Variants in RNPEP observed in about 807,000 individuals in gnomAD.
RNPEP encodes the protein arginyl aminopeptidase.
Under a neutral mutation model 70.1 loss-of-function variants are expected in RNPEP, and 57 were observed. The observed-to-expected ratio is 0.81, with a 90% CI of 0.66 to 1.01. The LOEUF (loss-of-function observed/expected upper bound fraction) is 1.01. Ranked by LOEUF, RNPEP falls within the 50% of genes least tolerant of loss-of-function variation. The pLI is 0.00. For synonymous variants in RNPEP, 335 were observed against 357.4 expected, an observed-to-expected ratio of 0.94 and a Z score of 0.71; for missense variants, 787 against 852.4, an observed-to-expected ratio of 0.92 and a Z score of 0.96.
At chr1:201,994,442 T>C (rs7521162) in intron 3 of RNPEP, among the ~76,000 whole-genome samples, 144,212 of 152,038 alleles carry the variant, frequency 0.95, 68,867 homozygotes, top group East Asian at 1. Flanking sequence ...ACTGCCTCCC[T>C]CATTGCAATC....
chr1:201,997,500 C>T lies in RNPEP; in HGVS notation c.1036C>T (p.Leu346Phe), dbSNP rs933087058. ...VTNANWGEFW[L>F]NEGFTMYAQR... is the part of the protein sequence containing the mutation. Reference sequence around the variant, plus strand: ...CAACGCCAACTGGGGTGAATTCTGGCTCAATGAAGGTTTCACCATGTACGC... The same window carrying T: ...CAACGCCAACTGGGGTGAATTCTGGTTCAATGAAGGTTTCACCATGTACGC... Residue 346 changes from leucine to phenylalanine, a missense_variant, in exon 5 of 11, where the codon CTC becomes TTC. Leu to Phe is a conservative substitution (Grantham distance 22, BLOSUM62 0). Coordinates refer to ENST00000295640, the MANE Select transcript of RNPEP (RefSeq NM_020216.4). The T allele has an allele frequency of 6.2e-7, 1 of 1,613,970 alleles. No individual in the cohort carries two copies. The highest frequency in any genetic ancestry group is 8.5e-7 in the Non-Finnish European group (1 of 1,180,030).
At chr1:201,992,529 C>A (rs1188492663) in intron 3 of RNPEP, among the ~76,000 whole-genome samples, 1 of 152,090 alleles carries the variant, frequency 6.6e-6, no homozygotes, top group African/African-American at 2.4e-5. Flanking sequence ...GACGGCCTCT[C>A]TCCCACTATA....
At chr1:201,997,667 G>A in intron 5 of RNPEP, 113 bp downstream of exon 5, 1 of 716,530 alleles carries the variant, frequency 1.4e-6, no homozygotes, top group Non-Finnish European at 2.3e-6. Flanking sequence ...AGACGAGGCA[G>A]TAGTGTGTAT....
chr1:202,001,587 G>T, intron 7 of RNPEP, 72 bp from the exon 8 acceptor site: 1 of 1,437,294 alleles, frequency 7.0e-7, no homozygotes, highest in East Asian at 2.3e-5. Flanking sequence ...GGTTGGAGGA[G>T]GACCCAGGAC....
At chr1:201,983,613 C>T (rs1309440450) in intron 1 of RNPEP, 2 of 1,266,586 alleles carry the variant, frequency 1.6e-6, no homozygotes, top group South Asian at 1.4e-5. Flanking sequence ...CTTCTAGTTC[C>T]ACGGTTAAAG....
intron 7 of RNPEP, 70 bp downstream of exon 7, chr1:202,001,558 G>A: frequency 6.9e-7 from 1 of 1,445,322 alleles, no homozygotes; most frequent in East Asian, 2.3e-5. Flanking sequence ...GGTAGAGGCA[G>A]GGGGCGAAAG....
chr1:201,992,266 CAA>C (rs1218630007), intron 3 of RNPEP, among the ~76,000 whole-genome samples: 2 of 152,172 alleles, frequency 1.3e-5, no homozygotes, highest in Non-Finnish European at 1.5e-5. Context: ...CTCCTGGGCT[CAA>C]GAGATCCTCC....
chr1:202,002,155 C>T (rs1033020043), intron 8 of RNPEP, among the ~76,000 whole-genome samples: 1 of 140,956 alleles, frequency 7.1e-6, no homozygotes, highest in Non-Finnish European at 1.6e-5. Context: ...TTCTTTCTTT[C>T]TTTTCTTTTC....
chr1:201,987,261 A>G (rs1683163193), intron 1 of RNPEP, among the ~76,000 whole-genome samples: 1 of 152,014 alleles, frequency 6.6e-6, no homozygotes, highest in Non-Finnish European at 1.5e-5. Flanking sequence ...GTCCAGCCAG[A>G]AAGTTTTCTT....
intron 5 of RNPEP, among the ~76,000 whole-genome samples, chr1:201,999,181 C>T (rs1683688862): frequency 6.6e-6 from 1 of 151,106 alleles, no homozygotes; most frequent in Admixed American, 6.6e-5. Flanking sequence ...CGTGCCACTG[C>T]ACTCCAGCCT....
chr1:201,983,855 C>G (rs1035168624), intron 1 of RNPEP: 4 of 1,005,594 alleles, frequency 4.0e-6, no homozygotes, highest in Non-Finnish European at 4.7e-6. Context: ...CTGGAGAGTC[C>G]TTAGGCTGTG....
intron 6 of RNPEP, among the ~76,000 whole-genome samples, chr1:202,000,525 C>T (rs760842103): frequency 7.2e-5 from 11 of 152,158 alleles, no homozygotes; most frequent in Non-Finnish European, 1.3e-4. Context: ...CCTTTTTATG[C>T]AATTGAAGCT....
chr1:202,004,147 C>T (rs1433537611), intron 9 of RNPEP, among the ~76,000 whole-genome samples: 1 of 152,160 alleles, frequency 6.6e-6, no homozygotes, highest in Non-Finnish European at 1.5e-5. Context: ...ACCTCAGCCT[C>T]CAAGTAGCTG....
At position 202,005,612 on chromosome 1, in the gene RNPEP, G is replaced by A. The variant is rs1225145181; in HGVS notation, c.1849G>A (p.Val617Met). ...LYHAMMGGSE[V>M]AQTLAKETFA... ...CCACGCAATGATGGGTGGCAGTGAG[G>A]TGGCCCAGACCCTCGCCAAGGAGAC... The change falls in exon 11 of 11, where the codon GTG (valine) becomes ATG (methionine). Residue 617 changes from valine (V) to methionine (M), a missense_variant. Val to Met is a conservative substitution (Grantham distance 21). Coordinates refer to ENST00000295640, the MANE Select transcript of RNPEP (RefSeq NM_020216.4). 1 of 1,614,192 alleles carries A rather than the reference G, an allele frequency of 6.2e-7. No homozygotes were observed.
intron 5 of RNPEP, among the ~76,000 whole-genome samples, chr1:201,999,291 C>T (rs1417798620): frequency 6.6e-6 from 1 of 151,846 alleles, no homozygotes; most frequent in African/African-American, 2.4e-5. Context: ...CGCTTGTAAT[C>T]CCAGCACTTT....
At chr1:201,983,400 A>G (rs1571617147) in intron 1 of RNPEP, 1 of 1,496,908 alleles carries the variant, frequency 6.7e-7, no homozygotes, top group Non-Finnish European at 9.0e-7. Context: ...AGGCTTGTCC[A>G]GATTGCGCCG....
chr1:202,005,412 G>T, intron 10 of RNPEP, 146 bp from the exon 11 acceptor site: 1 of 860,722 alleles, frequency 1.2e-6, no homozygotes, highest in Non-Finnish European at 1.8e-6. Flanking sequence ...GAGCACTTCT[G>T]ATGAGAAGCT....
chr1:201,982,929 TGACGGCGGC>T lies in RNPEP; in HGVS notation c.265_273del (p.Thr89_Ala91del). ...CTGGACTCGCACCCGTGCCTGGAGG[TGACGGCGGC>T]GGCGCTGCGGCGGGAGCGGCCCGGC... On this transcript the variant is annotated inframe_deletion, in exon 1 of 11. Transcript: ENST00000295640. The T allele has an allele frequency of 6.7e-7, 1 of 1,485,224 alleles. No individual in the cohort carries two copies. The highest frequency in any genetic ancestry group is 8.9e-7 in the Non-Finnish European group (1 of 1,121,326). The allele number at this position is 1,485,224 out of a possible 1,614,324, so 92.0% of individuals were successfully genotyped here. A position where few individuals can be genotyped will look rare whatever the true frequency, so the allele number is the denominator to read the frequency against.
chr1:202,004,509 T>A lies in RNPEP; in HGVS notation c.1794+13T>A, dbSNP rs765142137. On this transcript the variant is annotated intron_variant, in intron 10 of 10. Transcript: ENST00000295640. ...CCTGCATAACCAGGTGGGTGACCCC[T>A]GCCTCGCTGTTCCCGAAAGCACACT... is the stretch of plus-strand genomic sequence containing the variant. 6.2e-7 allele frequency: 1 copy of A among 1,612,124 alleles called. No individual in the cohort carries two copies. Among genetic ancestry groups the A allele is most frequent in the Non-Finnish European group, 8.5e-7 (1 of 1,179,834 alleles).
Sources: gnomAD v4.1 joint callset for allele counts (sites outside exome capture counted in the v4.1 genomes callset) on GRCh38, gnomAD v4.1.1 for gene constraint, MANE v1.5 for transcripts, NCBI Gene and HGNC (gene_info 2026-07-23, HGNC 2026-07-21) for gene names.